Variants in GRID2 observed in about 807,000 individuals in gnomAD.
GRID2 encodes glutamate ionotropic receptor delta type subunit 2, also known as glutamate receptor ionotropic, delta-2.
GRID2 carries 33 observed loss-of-function variants against 114.8 expected under a neutral mutation model. The observed-to-expected ratio is 0.29, with a 90% CI of 0.22 to 0.38. GRID2 has a LOEUF of 0.38. Ranked by LOEUF, GRID2 falls within the 10% of genes least tolerant of loss-of-function variation. GRID2 has a pLI of 1.00. For missense variants in GRID2, 1,184 were observed against 1,257.7 expected, an observed-to-expected ratio of 0.94 and a Z score of 0.89; for synonymous variants, 505 against 449.9, an observed-to-expected ratio of 1.12 and a Z score of -1.55.
At chr4:92,353,320 T>G (rs1579226117) in intron 1 of GRID2, among the ~76,000 whole-genome samples, 1 of 152,036 alleles carries the variant, frequency 6.6e-6, no homozygotes, top group South Asian at 2.1e-4. Context: ...GTTTTTCCAG[T>G]GTTTGGGCTT....
intron 1 of GRID2, among the ~76,000 whole-genome samples, chr4:92,320,883 A>C (rs561403368): frequency 3.3e-5 from 5 of 152,278 alleles, no homozygotes; most frequent in African/African-American, 1.2e-4. Context: ...AGAGAATGGC[A>C]CCATTAATTT....
intron 2 of GRID2, among the ~76,000 whole-genome samples, chr4:92,889,113 G>A (rs1046423377): frequency 1.3e-5 from 2 of 151,914 alleles, no homozygotes; most frequent in African/African-American, 2.4e-5. Context: ...GGAAAAATAC[G>A]TTGTTCATCT....
intron 2 of GRID2, among the ~76,000 whole-genome samples, chr4:93,067,863 C>G (rs1043612245): frequency 5.3e-5 from 8 of 151,962 alleles, no homozygotes; most frequent in Non-Finnish European, 1.0e-4. Flanking sequence ...TAAATTAGTT[C>G]CAATCATATT....
At chr4:93,365,672 CTG>C (rs1444378208) in intron 8 of GRID2, among the ~76,000 whole-genome samples, 1 of 152,080 alleles carries the variant, frequency 6.6e-6, no homozygotes, top group Admixed American at 6.6e-5. Context: ...AACAAAGTCT[CTG>C]GATACTAATA....
intron 2 of GRID2, among the ~76,000 whole-genome samples, chr4:92,734,274 T>C (rs1257877424): frequency 6.6e-6 from 1 of 152,034 alleles, no homozygotes; most frequent in Non-Finnish European, 1.5e-5. Flanking sequence ...TTTTTCTTTT[T>C]ATTTTCTTTG....
At chr4:93,423,265 G>T (rs1421217826) in intron 10 of GRID2, among the ~76,000 whole-genome samples, 1 of 148,242 alleles carries the variant, frequency 6.7e-6, no homozygotes, top group Non-Finnish European at 1.5e-5. Flanking sequence ...CCCAAAAACA[G>T]AAAGTGTATA....
intron 2 of GRID2, among the ~76,000 whole-genome samples, chr4:93,081,190 C>T (rs1729834316): frequency 6.6e-6 from 1 of 151,628 alleles, no homozygotes; most frequent in Non-Finnish European, 1.5e-5. Context: ...TATATCGGGA[C>T]AAATTGGTAA....
intron 13 of GRID2, among the ~76,000 whole-genome samples, chr4:93,526,908 AT>A (rs1310559980): frequency 1.3e-4 from 20 of 152,206 alleles, no homozygotes; most frequent in African/African-American, 2.9e-4. Flanking sequence ...TTTTTGTTTA[AT>A]TTCCATTTTG....
chr4:92,923,736 T>G (rs562120977), intron 2 of GRID2, among the ~76,000 whole-genome samples: 163 of 152,264 alleles, frequency 1.1e-3, no homozygotes, highest in Non-Finnish European at 1.7e-3. Flanking sequence ...TATTCACCAG[T>G]GAAGCACATA....
Position 93,699,318 on chromosome 4 carries a change from C to T in GRID2, c.2361-69892C>T, listed in dbSNP as rs571108784. On this transcript the variant is annotated intron_variant, in intron 14 of 15. Coordinates refer to ENST00000282020, the MANE Select transcript of GRID2 (RefSeq NM_001510.4). The stretch of plus-strand genomic sequence containing the variant: ...GTCAAAATTGTTAACATTAATGTAA[C>T]CCCAATTAACCTTTTTAAAAATATA... Among the ~76,000 whole-genome samples, 6 of 152,004 alleles carry T rather than the reference C, an allele frequency of 3.9e-5. No homozygotes were observed. The East Asian group carries it at 1.2e-3, about 29-fold the overall frequency.
chr4:93,799,618 T>C (rs1260247691), intron 1 of GRID2, among the ~76,000 whole-genome samples: 3 of 152,202 alleles, frequency 2.0e-5, no homozygotes, highest in Admixed American at 6.5e-5. Context: ...ATTACATTAT[T>C]GAACAATTCC....
At chr4:92,692,724 A>G (rs12647273) in intron 2 of GRID2, among the ~76,000 whole-genome samples, 24,580 of 152,100 alleles carry the variant, frequency 0.16, 2,172 homozygotes, top group East Asian at 0.33. Flanking sequence ...GGCCAAGCAT[A>G]TAGAAATGCA....
At chr4:92,330,021 G>GAGAGAA (rs1194949195) in intron 1 of GRID2, among the ~76,000 whole-genome samples, 1 of 149,662 alleles carries the variant, frequency 6.7e-6, no homozygotes, top group Non-Finnish European at 1.5e-5. Context: ...GAGAGAGAGA[G>GAGAGAA]AGAGAAACAT....
At chr4:92,832,042 C>T (rs1742139285) in intron 2 of GRID2, among the ~76,000 whole-genome samples, 1 of 151,568 alleles carries the variant, frequency 6.6e-6, no homozygotes. Context: ...ATATTGGCCA[C>T]AAATTCTATT....
chr4:92,909,943 C>T (rs1027185871), intron 2 of GRID2, among the ~76,000 whole-genome samples: 1 of 151,944 alleles, frequency 6.6e-6, no homozygotes, highest in Non-Finnish European at 1.5e-5. Context: ...CTTACTTTAC[C>T]TAGGAGAAAT....
chr4:93,589,676 A>C (rs36129361), intron 13 of GRID2, among the ~76,000 whole-genome samples: 14,530 of 151,622 alleles, frequency 0.096, 742 homozygotes, highest in Middle Eastern at 0.24. Flanking sequence ...CCAACAGTGT[A>C]AAAGTGTTCC....
In GRID2 at chr4:92,817,086, T is replaced by C. The variant is rs74969108; in HGVS notation, c.244+226800T>C. Among the ~76,000 whole-genome samples the C allele has an allele frequency of 6.7e-3, 1,016 of 152,168 alleles. 18 individuals are homozygous for C. Among genetic ancestry groups the C allele is most frequent in the African/African-American group, 0.023 (951 of 41,536 alleles). ...CAATTCAGGGACCCAGGAGTCACCATTAACCCTACACTACTCACATTCACA... is the reference window on the plus strand; with the variant it reads ...CAATTCAGGGACCCAGGAGTCACCACTAACCCTACACTACTCACATTCACA... On this transcript the variant is annotated intron_variant, in intron 2 of 15. Transcript: ENST00000282020.
At chr4:93,021,094 A>T (rs2149245465) in intron 2 of GRID2, among the ~76,000 whole-genome samples, 1 of 151,950 alleles carries the variant, frequency 6.6e-6, no homozygotes, top group African/African-American at 2.4e-5. Flanking sequence ...CCTGTCATTA[A>T]GGGCAGGCCC....
At chr4:92,494,127 A>G (rs1371923128) in intron 1 of GRID2, among the ~76,000 whole-genome samples, 2 of 152,140 alleles carry the variant, frequency 1.3e-5, no homozygotes, top group African/African-American at 4.8e-5. Context: ...AAAATTTTTC[A>G]TAATTGCTTT....
Sources: gnomAD v4.1 joint callset for allele counts (sites outside exome capture counted in the v4.1 genomes callset) on GRCh38, gnomAD v4.1.1 for gene constraint, MANE v1.5 for transcripts, NCBI Gene and HGNC (gene_info 2026-07-23, HGNC 2026-07-21) for gene names.